The following ZCCHC10 variants were observed in gnomAD, a reference collection of about 807,000 sequenced individuals.
ZCCHC10 encodes zinc finger CCHC-type containing 10.
ZCCHC10 carries 16 observed loss-of-function variants against 19.5 expected under a neutral mutation model. The observed-to-expected ratio is 0.82, with a 90% confidence interval of 0.56 to 1.25. The LOEUF (loss-of-function observed/expected upper bound fraction) is 1.25. Among genes scored for constraint, ZCCHC10 ranks in the 50% most tolerant of loss-of-function variants. The pLI is 0.00. For synonymous variants in ZCCHC10, 67 were observed against 72.5 expected, an observed-to-expected ratio of 0.92 and a Z score of 0.38; for missense variants, 197 against 201.0, an observed-to-expected ratio of 0.98 and a Z score of 0.12.
At chr5:133,007,467 C>T (rs11951500) in intron 2 of ZCCHC10, among the ~76,000 whole-genome samples, 32,219 of 150,682 alleles carry the variant, frequency 0.21, 3,603 homozygotes, top group Non-Finnish European at 0.25. Context: ...GGTATGAACC[C>T]GGGAGGCAGA....
chr5:133,003,915 G>T (rs1419042765), intron 3 of ZCCHC10, among the ~76,000 whole-genome samples: 1 of 151,880 alleles, frequency 6.6e-6, no homozygotes, highest in Non-Finnish European at 1.5e-5. Context: ...TTGCCATGTT[G>T]GCCAGGATGG....
intron 1 of ZCCHC10, among the ~76,000 whole-genome samples, chr5:133,023,392 G>A (rs545192173): frequency 9.3e-5 from 14 of 150,992 alleles, no homozygotes; most frequent in African/African-American, 2.7e-4. Context: ...TTAAGTCTCC[G>A]AAAGATCTAC....
intron 2 of ZCCHC10, among the ~76,000 whole-genome samples, chr5:133,018,304 T>C (rs1472280538): frequency 2.0e-5 from 3 of 151,798 alleles, no homozygotes; most frequent in African/African-American, 7.3e-5. Context: ...TTCAGCAAGC[T>C]GATTTTTTTT....
intron 2 of ZCCHC10, among the ~76,000 whole-genome samples, chr5:133,013,799 GA>G (rs11338391): frequency 0.32 from 46,810 of 146,306 alleles, 8,125 homozygotes; most frequent in African/African-American, 0.48. Flanking sequence ...ACTATTTTGG[GA>G]AAAAAAAAAG....
chr5:132,999,136 G>A (rs1436366260), intron 4 of ZCCHC10, among the ~76,000 whole-genome samples: 1 of 152,076 alleles, frequency 6.6e-6, no homozygotes, highest in African/African-American at 2.4e-5. Flanking sequence ...TGTTGGCCAG[G>A]CTGGTCTCGA....
chr5:133,000,910 G>C (rs962629920), intron 3 of ZCCHC10, among the ~76,000 whole-genome samples: 17 of 151,392 alleles, frequency 1.1e-4, no homozygotes, highest in Non-Finnish European at 2.2e-4. Flanking sequence ...CAAAGTCCTG[G>C]GGATTACAGG....
chr5:133,018,409 C>CT (rs952632829), intron 2 of ZCCHC10, among the ~76,000 whole-genome samples: 25 of 151,020 alleles, frequency 1.7e-4, no homozygotes, highest in African/African-American at 4.4e-4. Flanking sequence ...TGGCCTCTCT[C>CT]TTTTTTTTGA....
Position 132,997,108 on chromosome 5 carries a change from T to G in ZCCHC10, c.*1475A>C, listed in dbSNP as rs1358295367. The G allele has an allele frequency of 6.6e-6, 1 of 152,222 alleles. No homozygotes were observed. The highest frequency in any genetic ancestry group is 1.5e-5 in the Non-Finnish European group (1 of 68,044). The allele number at this position is 152,222 out of a possible 1,614,324, so 9.4% of individuals were successfully genotyped here. A position where few individuals can be genotyped will look rare whatever the true frequency, so the allele number is the denominator to read the frequency against. ...ATTACCTTTACAGAGACAAACATTA[T>G]AAAATGTGCCTGATTGGTAATTTAT... is the stretch of plus-strand genomic sequence containing the variant. On this transcript the variant is annotated 3_prime_UTR_variant, in exon 5 of 5. Transcript: ENST00000509437.
At chr5:133,021,459 GA>G (rs1388438372) in intron 2 of ZCCHC10, among the ~76,000 whole-genome samples, 1 of 152,172 alleles carries the variant, frequency 6.6e-6, no homozygotes, top group Admixed American at 6.6e-5. Flanking sequence ...TAAATGGCGA[GA>G]TATACATAAG....
At chr5:133,023,461 C>CTTTT (rs34960372) in intron 1 of ZCCHC10, among the ~76,000 whole-genome samples, 10 of 135,532 alleles carry the variant, frequency 7.4e-5, no homozygotes, top group African/African-American at 2.8e-4. Flanking sequence ...GTCCAAAGAC[C>CTTTT]TTTTTTTTTT....
chr5:133,000,274 A>C, intron 3 of ZCCHC10, 101 bp from the exon 4 acceptor site: 1 of 1,346,500 alleles, frequency 7.4e-7, no homozygotes, highest in Non-Finnish European at 1.0e-6. Context: ...ACTCTGGAGA[A>C]AGATTCTGTG....
Position 133,026,399 on chromosome 5 carries a change from A to G in ZCCHC10, c.41+98T>C, listed in dbSNP as rs1026530746. Reference sequence around the variant, plus strand: ...CCAGAAGAGTGTTTGAGAAACGGACATTCTCCGCCGGTCCCAATAGGGGTC... The same window carrying G: ...CCAGAAGAGTGTTTGAGAAACGGACGTTCTCCGCCGGTCCCAATAGGGGTC... On this transcript the variant is annotated intron_variant, in intron 1 of 4. Transcript: ENST00000509437. 69 of 1,504,964 alleles carry G rather than the reference A, an allele frequency of 4.6e-5. No individual in the cohort carries two copies. In the Middle Eastern group the frequency reaches 1.2e-3, roughly 26 times the overall value. The allele number at this position is 1,504,964 out of a possible 1,614,324, so 93.2% of individuals were successfully genotyped here.
chr5:133,013,637 G>A (rs79232838), intron 2 of ZCCHC10, among the ~76,000 whole-genome samples: 29 of 152,026 alleles, frequency 1.9e-4, no homozygotes, highest in African/African-American at 6.8e-4. Flanking sequence ...CAGGAGAATC[G>A]CTTGAACCCA....
chr5:133,005,336 G>A (rs886970367), intron 3 of ZCCHC10, among the ~76,000 whole-genome samples: 3 of 151,928 alleles, frequency 2.0e-5, no homozygotes, highest in Non-Finnish European at 4.4e-5. Flanking sequence ...TGGCCAGCTG[G>A]GCATGGTGGC....
chr5:133,001,271 C>T (rs1762753445), intron 3 of ZCCHC10, among the ~76,000 whole-genome samples: 2 of 151,696 alleles, frequency 1.3e-5, no homozygotes, highest in South Asian at 4.2e-4. Flanking sequence ...CATGCCTGTA[C>T]TCCCAGCTAC....
intron 3 of ZCCHC10, among the ~76,000 whole-genome samples, chr5:133,000,907 C>T (rs1762729001): frequency 6.6e-6 from 1 of 151,718 alleles, no homozygotes; most frequent in African/African-American, 2.4e-5. Context: ...TCCCAAAGTC[C>T]TGGGGATTAC....
chr5:133,019,766 C>A (rs1238386514), intron 2 of ZCCHC10, among the ~76,000 whole-genome samples: 2 of 150,858 alleles, frequency 1.3e-5, no homozygotes, highest in Non-Finnish European at 3.0e-5. Flanking sequence ...ACCAGCCTGG[C>A]CAACATGGTA....
At chr5:133,006,986 TA>T (rs1162684614) in intron 2 of ZCCHC10, 66 bp from the exon 3 acceptor site, 4 of 1,389,816 alleles carry the variant, frequency 2.9e-6, no homozygotes, top group African/African-American at 2.9e-5. Context: ...CTAAAAACTA[TA>T]AAAAAATATA....
In ZCCHC10 at chr5:133,026,498, C is replaced by A. The variant is rs1051948637; in HGVS notation, c.40G>T (p.Ala14Ser). The A allele has an allele frequency of 6.2e-7, 1 of 1,613,788 alleles. No homozygotes were observed. The highest frequency in any genetic ancestry group is 8.5e-7 in the Non-Finnish European group (1 of 1,179,956). ...GACCCGAACCGGATCCTTACTTACG[C>A]TTGTCTCCGGGCTATTAGCCGATGC... ...PMHRLIARRQAFDTELQPVKT... is the reference protein window; with the variant it reads ...PMHRLIARRQSFDTELQPVKT... The change falls in exon 1 of 5, where the codon GCA becomes TCA. Residue 14 changes from alanine (A) to serine (S), a missense_variant and splice_region_variant. Coordinates refer to ENST00000509437, the MANE Select transcript of ZCCHC10 (RefSeq NM_001300816.3).
Sources: gnomAD v4.1 joint callset for allele counts (sites outside exome capture counted in the v4.1 genomes callset) on GRCh38, gnomAD v4.1.1 for gene constraint, MANE v1.5 for transcripts, NCBI Gene and HGNC (gene_info 2026-07-23, HGNC 2026-07-21) for gene names.